Variants in SV2C observed in about 807,000 individuals in gnomAD.
The protein encoded by SV2C is solute carrier family 22 member B3.
Under a neutral mutation model 79.7 loss-of-function variants are expected in SV2C, and 49 were observed. That is an observed-to-expected ratio of 0.61 (90% CI 0.49 to 0.78). SV2C has a LOEUF of 0.78. Among genes scored for constraint, SV2C ranks in the 30% least tolerant of loss-of-function variants. The probability of loss-of-function intolerance (pLI) is 0.00; values close to 1 mark genes in which losing one functional copy is unlikely to be tolerated. For synonymous variants in SV2C, 334 were observed against 333.2 expected (o/e 1.00, Z -0.03); for missense variants, 833 against 912.9 (o/e 0.91, Z 1.13).
chr5:76,063,838 CTTAT>C, the SV2C span, among the ~76,000 whole-genome samples: 2 of 152,052 alleles, frequency 1.3e-5, no homozygotes, highest in African/African-American at 2.4e-5. Flanking sequence ...TCCTAAAGGA[CTTAT>C]TTGTTTTTTA....
intron 12 of SV2C, among the ~76,000 whole-genome samples, chr5:76,323,054 A>G (rs1274810953): frequency 2.0e-5 from 3 of 152,260 alleles, no homozygotes; most frequent in Non-Finnish European, 2.9e-5. Context: ...ATTAAACTAA[A>G]GATCTTCAGC....
intron 2 of SV2C, among the ~76,000 whole-genome samples, chr5:76,187,640 C>T (rs1343618974): frequency 1.3e-5 from 2 of 151,720 alleles, no homozygotes; most frequent in Non-Finnish European, 2.9e-5. Context: ...TCCACAGATG[C>T]TTTTGAACAC....
At chr5:75,961,237 C>T in the SV2C span, among the ~76,000 whole-genome samples, 913 of 151,940 alleles carry the variant, frequency 6.0e-3, 13 homozygotes, top group African/African-American at 0.021. Flanking sequence ...TATTTTTTTG[C>T]ATATGTCTAG....
At chr5:75,904,369 A>AAAAAC in the SV2C span, among the ~76,000 whole-genome samples, 10,938 of 149,054 alleles carry the variant, frequency 0.073, 1,390 homozygotes, top group African/African-American at 0.26. Flanking sequence ...CAGTCCTCAA[A>AAAAAC]AAAACAAAAC....
At chr5:76,004,502 C>T in the SV2C span, among the ~76,000 whole-genome samples, 2 of 152,158 alleles carry the variant, frequency 1.3e-5, no homozygotes, top group Non-Finnish European at 2.9e-5. Flanking sequence ...ACATTACTTT[C>T]AGCATCAGAA....
At chr5:76,306,894 A>G (rs1178802802) in intron 12 of SV2C, among the ~76,000 whole-genome samples, 1 of 152,232 alleles carries the variant, frequency 6.6e-6, no homozygotes, top group Non-Finnish European at 1.5e-5. Flanking sequence ...TTTAAAAGAT[A>G]GATAAGATCC....
the SV2C span, among the ~76,000 whole-genome samples, chr5:75,858,903 T>C: frequency 1.3e-5 from 2 of 152,288 alleles, no homozygotes; most frequent in African/African-American, 2.4e-5. Context: ...AGTCTCTAAA[T>C]GATCCATTGA....
chr5:76,116,104 T>A (rs565341185), intron 1 of SV2C, among the ~76,000 whole-genome samples: 1 of 152,268 alleles, frequency 6.6e-6, no homozygotes, highest in Non-Finnish European at 1.5e-5. Flanking sequence ...ACAGAGTAGG[T>A]TCTAGCCATG....
chr5:75,860,188 A>G, the SV2C span, among the ~76,000 whole-genome samples: 1 of 152,190 alleles, frequency 6.6e-6, no homozygotes, highest in Non-Finnish European at 1.5e-5. Context: ...TGAGTTCAGG[A>G]AAGTTTTGGG....
intron 2 of SV2C, chr5:76,170,887 G>C (rs1298590556): frequency 1.3e-5 from 5 of 382,258 alleles, no homozygotes; most frequent in Non-Finnish European, 1.5e-5. Context: ...GTGCGGAGCC[G>C]GGACAGTCGC....
the SV2C span, among the ~76,000 whole-genome samples, chr5:76,073,405 T>C: frequency 6.6e-6 from 1 of 151,100 alleles, no homozygotes; most frequent in African/African-American, 2.4e-5. Context: ...GCTGTATGCA[T>C]GTTTAGAGCA....
chr5:76,144,858 A>G (rs762138171), intron 2 of SV2C, among the ~76,000 whole-genome samples: 4 of 152,122 alleles, frequency 2.6e-5, no homozygotes, highest in Non-Finnish European at 4.4e-5. Context: ...TTAGCAAATC[A>G]TGTGTCTAAT....
chr5:76,103,781 A>G (rs1256799086), intron 1 of SV2C, among the ~76,000 whole-genome samples: 1 of 152,236 alleles, frequency 6.6e-6, no homozygotes, highest in Non-Finnish European at 1.5e-5. Flanking sequence ...GAATTCTGCT[A>G]AACATTTAAA....
chr5:76,033,282 T>C, the SV2C span, among the ~76,000 whole-genome samples: 6 of 151,972 alleles, frequency 3.9e-5, no homozygotes, highest in East Asian at 1.2e-3. Context: ...TTGGCTTTTG[T>C]TGCCATTGCT....
intron 4 of SV2C, among the ~76,000 whole-genome samples, chr5:76,244,138 C>G (rs946365020): frequency 6.6e-6 from 1 of 152,200 alleles, no homozygotes; most frequent in Non-Finnish European, 1.5e-5. Context: ...GAATGAAACT[C>G]CATGTGGGCA....
At chr5:75,904,504 A>T in the SV2C span, among the ~76,000 whole-genome samples, 1 of 152,086 alleles carries the variant, frequency 6.6e-6, no homozygotes, top group Non-Finnish European at 1.5e-5. Context: ...GTGCAAATTG[A>T]TCAGAGCTGT....
chr5:76,287,897 C>T (rs947052318), intron 6 of SV2C, among the ~76,000 whole-genome samples: 1 of 151,992 alleles, frequency 6.6e-6, no homozygotes, highest in Non-Finnish European at 1.5e-5. Flanking sequence ...CCATCCTGGC[C>T]AACAAGGTGA....
chr5:76,264,760 C>T (rs1347018553), intron 4 of SV2C, among the ~76,000 whole-genome samples: 1 of 152,198 alleles, frequency 6.6e-6, no homozygotes, highest in Non-Finnish European at 1.5e-5. Flanking sequence ...GTATTACCAG[C>T]AGAGGCTACA....
chr5:76,227,076 A>G (rs1422502607), intron 4 of SV2C, among the ~76,000 whole-genome samples: 3 of 152,226 alleles, frequency 2.0e-5, no homozygotes, highest in African/African-American at 7.2e-5. Flanking sequence ...ATGGAAAGAC[A>G]CCAAACATCT....
Sources: gnomAD v4.1 joint callset for allele counts (sites outside exome capture counted in the v4.1 genomes callset) on GRCh38, gnomAD v4.1.1 for gene constraint, MANE v1.5 for transcripts, NCBI Gene and HGNC (gene_info 2026-07-23, HGNC 2026-07-21) for gene names.